PRG4: variants seen among roughly 807,000 people sequenced by gnomAD.
PRG4 encodes articular superficial zone protein.
PRG4 carries 61 observed loss-of-function variants against 91.2 expected under a neutral mutation model. That is an observed-to-expected ratio of 0.67 (90% CI 0.54 to 0.83). PRG4 has a LOEUF of 0.83. Ranked by LOEUF, PRG4 falls within the 40% of genes least tolerant of loss-of-function variation. The pLI is 0.00. For missense variants in PRG4, 1,564 were observed against 1,714.2 expected (o/e 0.91, Z 1.55); for synonymous variants, 576 against 614.2 (o/e 0.94, Z 0.92).
intron 6 of PRG4, among the ~76,000 whole-genome samples, chr1:186,305,328 A>G (rs994272023): frequency 6.6e-5 from 10 of 152,194 alleles, no homozygotes; most frequent in African/African-American, 2.4e-4. Context: ...TACAAGTATT[A>G]ACTCATTAAA....
intron 8 of PRG4, among the ~76,000 whole-genome samples, chr1:186,310,254 G>A (rs920638801): frequency 1.4e-4 from 21 of 151,822 alleles, no homozygotes; most frequent in African/African-American, 5.1e-4. Context: ...CAATTGTGAT[G>A]TGTTCAAGTG....
chr1:186,313,509 GAA>G, intron 12 of PRG4, 170 bp from the exon 13 acceptor site: 1 of 555,350 alleles, frequency 1.8e-6, no homozygotes, highest in Non-Finnish European at 3.2e-6. Flanking sequence ...CAAAAAAGCT[GAA>G]AAGTCTAGGC....
At position 186,308,800 on chromosome 1, in the gene PRG4, AC is replaced by A; in HGVS notation, c.3084del (p.Lys1030AsnfsTer14). ...CTAAACCTCAAAAGCCAACCAAAGC[AC>A]CCAAAAAACCCACTTCTACCAAAAA... ...TPKPQKPTKA[P>X]KKPTSTKKPK... On this transcript the variant is annotated frameshift_variant, in exon 7 of 13. Coordinates refer to ENST00000445192, the MANE Select transcript of PRG4 (RefSeq NM_005807.6). LOFTEE classifies it high-confidence loss of function. 6.2e-7 allele frequency: 1 copy of A among 1,613,916 alleles called. No individual in the cohort carries two copies. The highest frequency in any genetic ancestry group is 1.1e-5 in the South Asian group (1 of 91,078).
In PRG4 at chr1:186,312,188, G is replaced by A. The variant is rs761330232; in HGVS notation, c.3807G>A (p.Gln1269=). 5 of 1,613,666 alleles carry A rather than the reference G, an allele frequency of 3.1e-6. No homozygotes were observed. In the East Asian group the frequency reaches 6.7e-5, roughly 22 times the overall value. Residue 1269 remains glutamine (Q), a synonymous_variant, in exon 11 of 13, where the codon CAG becomes CAA. Transcript: ENST00000445192. ...AATACATAACAGGTGGCAGCATTCA[G>A]CAGTATATTTATAAACAGGAACCTG... ...VYFFKRGGSI[Q]QYIYKQEPVQ...
rs1657169894 is a variant in PRG4, at chr1:186,310,956, C to T, written c.3500-78C>T. On this transcript the variant is annotated intron_variant, in intron 8 of 12. Coordinates refer to ENST00000445192, the MANE Select transcript of PRG4 (RefSeq NM_005807.6). ...AGTCATACAATGCATAAGAAAACTA[C>T]ATTTTTTTTCATTTTGGTTTCTTTT... The T allele has an allele frequency of 3.3e-5, 50 of 1,523,942 alleles. 1 individual carries two copies. In the South Asian group the frequency reaches 5.3e-4, roughly 16 times the overall value. 94.4% of individuals were successfully genotyped at this position (1,523,942 alleles called of 1,614,324 possible).
In PRG4 at chr1:186,306,760, C is replaced by T. The variant is rs1557940418; in HGVS notation, c.1041C>T (p.Pro347=). ...CCAAAGGCCCTGCTCTCACCACTCCCAAGGAGCCCACGCCCACCACTCCCA... is the reference window on the plus strand; with the variant it reads ...CCAAAGGCCCTGCTCTCACCACTCCTAAGGAGCCCACGCCCACCACTCCCA... ...TTTKGPALTT[P]KEPTPTTPKE... Residue 347 remains proline (P), a synonymous_variant, in exon 7 of 13, where the codon CCC becomes CCT. Coordinates refer to ENST00000445192, the MANE Select transcript of PRG4 (RefSeq NM_005807.6). The T allele has an allele frequency of 6.2e-7, 1 of 1,613,506 alleles. No individual in the cohort carries two copies. The highest frequency in any genetic ancestry group is 1.3e-5 in the African/African-American group (1 of 74,888).
chr1:186,305,801 TGC>T, intron 6 of PRG4, among the ~76,000 whole-genome samples: 1 of 152,264 alleles, frequency 6.6e-6, no homozygotes, highest in Non-Finnish European at 1.5e-5. Flanking sequence ...CAAGGTTAGC[TGC>T]GCAGAAGAAA....
Position 186,306,313 on chromosome 1 carries a change from T to C in PRG4, c.599-5T>C, listed in dbSNP as rs1206062319. On this transcript the variant is annotated splice_region_variant and splice_polypyrimidine_tract_variant and intron_variant, in intron 6 of 12. Transcript: ENST00000445192. The stretch of plus-strand genomic sequence containing the variant: ...AAAATAACAAGATGTATATTTTTTC[T>C]CCAGTAAAAGATAACAAGAAGAACA... The C allele has an allele frequency of 6.4e-7, 1 of 1,566,278 alleles. No individual in the cohort carries two copies. The highest frequency in any genetic ancestry group is 2.0e-5 in the Admixed American group (1 of 50,652).
In PRG4 at chr1:186,307,819, C is replaced by T. The variant is rs1283691934; in HGVS notation, c.2100C>T (p.Thr700=). 1.2e-6 allele frequency: 2 copies of T among 1,610,622 alleles called. No homozygotes were observed. The highest frequency in any genetic ancestry group is 1.7e-6 in the Non-Finnish European group (2 of 1,179,264). The change falls in exon 7 of 13, where the codon ACC becomes ACT. Residue 700 remains threonine, a synonymous_variant. Coordinates refer to ENST00000445192, the MANE Select transcript of PRG4 (RefSeq NM_005807.6). Reference sequence around the variant, plus strand: ...CCCCTAAGGAGCCTGCTCCAACTACCCCTAAGGAGACTGCTCCAACTACCC... The same window carrying T: ...CCCCTAAGGAGCCTGCTCCAACTACTCCTAAGGAGACTGCTCCAACTACCC... ...PTTPKEPAPT[T]PKETAPTTPK...
rs1657387209 is a variant in PRG4 at position 186,312,901 on chromosome 1, T to C, written c.4117+7T>C. On this transcript the variant is annotated splice_region_variant and intron_variant, in intron 12 of 12. Transcript: ENST00000445192. ...TACTATGCCTTTTCTAAAGGTAAGGTATTAACTAACAGTTTCCCAAGGAGG... is the reference window on the plus strand; with the variant it reads ...TACTATGCCTTTTCTAAAGGTAAGGCATTAACTAACAGTTTCCCAAGGAGG... 1 of 1,610,218 alleles carries C rather than the reference T, an allele frequency of 6.2e-7. No homozygotes were observed. Among genetic ancestry groups the C allele is most frequent in the Non-Finnish European group, 8.5e-7 (1 of 1,176,602 alleles).
chr1:186,299,025 G>A (rs530824341), intron 2 of PRG4, among the ~76,000 whole-genome samples: 2 of 152,204 alleles, frequency 1.3e-5, no homozygotes, highest in South Asian at 4.1e-4. Flanking sequence ...ATTCTTTTAA[G>A]ATTTGTTTTC....
rs774219309 is a variant in PRG4, at chr1:186,313,936, A to C, written c.*158A>C. ...ATCATTACACTAAAACAGATTTGAT[A>C]ATCTTATTCACAGTTGTTATTGTTT... On this transcript the variant is annotated 3_prime_UTR_variant, in exon 13 of 13. Coordinates refer to ENST00000445192, the MANE Select transcript of PRG4 (RefSeq NM_005807.6). 6.3e-7 allele frequency: 1 copy of C among 1,598,806 alleles called. No homozygotes were observed. Among genetic ancestry groups the C allele is most frequent in the East Asian group, 2.2e-5 (1 of 44,706 alleles).
rs1216857082 is a variant in PRG4 at position 186,311,530 on chromosome 1, A to G, written c.3727A>G (p.Ile1243Val). 3.7e-6 allele frequency: 6 copies of G among 1,613,972 alleles called. No homozygotes were observed. The highest frequency in any genetic ancestry group is 5.1e-6 in the Non-Finnish European group (6 of 1,179,966). ...AGGATTTGGAGGACTAACTGGACAA[A>G]TAGTGGCAGCGCTTTCAACAGCTAA... is the stretch of plus-strand genomic sequence containing the variant. ...FKGFGGLTGQ[I>V]VAALSTAKYK... The change falls in exon 10 of 13, where the codon ATA (isoleucine) becomes GTA (valine). Residue 1243 changes from isoleucine (I) to valine (V), a missense_variant. This residue lies in a region of PRG4 where 1,079 missense variants were observed against 1,162.2 expected (regional missense o/e 0.93). Coordinates refer to ENST00000445192, the MANE Select transcript of PRG4 (RefSeq NM_005807.6).
In PRG4 at chr1:186,308,643, C is replaced by G; in HGVS notation, c.2924C>G (p.Thr975Ser). 1 of 1,612,328 alleles carries G rather than the reference C, an allele frequency of 6.2e-7. No homozygotes were observed. Among genetic ancestry groups the G allele is most frequent in the Non-Finnish European group, 8.5e-7 (1 of 1,179,668 alleles). The change falls in exon 7 of 13, where the codon ACT becomes AGT. Residue 975 changes from threonine (T) to serine (S), a missense_variant. Thr to Ser is a moderately conservative substitution (Grantham distance 58). Coordinates refer to ENST00000445192, the MANE Select transcript of PRG4 (RefSeq NM_005807.6). ...TQDTTPFKIT[T>S]LKTTTLAPKV... is the part of the protein sequence containing the mutation. ...GATACCACACCATTCAAAATTACTA[C>G]TCTTAAAACAACTACTCTTGCACCC...
chr1:186,312,259 A>G lies in PRG4; in HGVS notation c.3878A>G (p.Tyr1293Cys). Residue 1293 changes from tyrosine (Y) to cysteine (C), a missense_variant, in exon 11 of 13, where the codon TAT (tyrosine) becomes TGT (cysteine). This residue lies in a region of PRG4 where 1,079 missense variants were observed against 1,162.2 expected (regional missense o/e 0.93). Coordinates refer to ENST00000445192, the MANE Select transcript of PRG4 (RefSeq NM_005807.6). ...GRRPALNYPV[Y>C]GETTQVRRRR... is the part of the protein sequence containing the mutation. ...AGGCCTGCTCTAAATTATCCAGTGT[A>G]TGGAGAAACGACACAGGTTAGGAGA... 6.2e-7 allele frequency: 1 copy of G among 1,614,054 alleles called. No homozygotes were observed. Among genetic ancestry groups the G allele is most frequent in the Non-Finnish European group, 8.5e-7 (1 of 1,179,924 alleles).
chr1:186,307,486 C>A lies in PRG4; in HGVS notation c.1767C>A (p.Pro589=), dbSNP rs765147675. 27 of 1,572,310 alleles carry A rather than the reference C, an allele frequency of 1.7e-5. No individual in the cohort carries two copies. The highest frequency in any genetic ancestry group is 1.7e-4 in the Middle Eastern group (1 of 5,762). ...CCAAGGAGCCTGCACCCACCACTCCCAAGGAACCTGCACCCACCACCACCA... is the reference window on the plus strand; with the variant it reads ...CCAAGGAGCCTGCACCCACCACTCCAAAGGAACCTGCACCCACCACCACCA... ...TTPKEPAPTT[P]KEPAPTTTKK... is the part of the protein sequence containing the mutation. Residue 589 remains proline, a synonymous_variant, in exon 7 of 13, where the codon CCC becomes CCA. Transcript: ENST00000445192.
Position 186,308,101 on chromosome 1 carries a change from C to G in PRG4, c.2382C>G (p.Pro794=), listed in dbSNP as rs200200770. The G allele has an allele frequency of 6.2e-7, 1 of 1,610,342 alleles. No individual in the cohort carries two copies. Among genetic ancestry groups the G allele is most frequent in the Non-Finnish European group, 8.5e-7 (1 of 1,179,120 alleles). ...TTLKEPAPTT[P]KKPAPKELAP... ...TCAAGGAACCTGCACCCACTACTCCCAAGAAGCCTGCCCCCAAGGAGCTTG... is the reference window on the plus strand; with the variant it reads ...TCAAGGAACCTGCACCCACTACTCCGAAGAAGCCTGCCCCCAAGGAGCTTG... Residue 794 remains proline, a synonymous_variant, in exon 7 of 13, where the codon CCC becomes CCG. Transcript: ENST00000445192.
At chr1:186,311,633 T>C in intron 10 of PRG4, 37 bp downstream of exon 10, 1 of 1,585,066 alleles carries the variant, frequency 6.3e-7, no homozygotes, top group Non-Finnish European at 8.7e-7. Context: ...ACAAAACTTT[T>C]AAAGAATTAC....
At position 186,307,626 on chromosome 1, in the gene PRG4, C is replaced by T. The variant is rs1344214654; in HGVS notation, c.1907C>T (p.Thr636Ile). The T allele has an allele frequency of 1.9e-6, 3 of 1,597,186 alleles. No individual in the cohort carries two copies. Among genetic ancestry groups the T allele is most frequent in the African/African-American group, 1.4e-5 (1 of 72,550 alleles). Residue 636 changes from threonine to isoleucine, a missense_variant, in exon 7 of 13, where the codon ACC becomes ATC. Thr to Ile is a moderately conservative substitution (Grantham distance 89, BLOSUM62 -1). This residue lies in a region of PRG4 where 1,079 missense variants were observed against 1,162.2 expected (regional missense o/e 0.93). Coordinates refer to ENST00000445192, the MANE Select transcript of PRG4 (RefSeq NM_005807.6). Reference sequence around the variant, plus strand: ...ACCCCCGAGAAGCTCGCACCCACCACCCCTGAGAAGCCCGCACCCACCACC... The same window carrying T: ...ACCCCCGAGAAGCTCGCACCCACCATCCCTGAGAAGCCCGCACCCACCACC... ...PTTPEKLAPT[T>I]PEKPAPTTPE...
Sources: allele counts gnomAD v4.1 joint callset (sites outside exome capture counted in the v4.1 genomes callset), GRCh38; gene constraint gnomAD v4.1.1; regional missense constraint gnomAD v4.1.1; transcripts MANE v1.5; gene names NCBI Gene and HGNC (gene_info 2026-07-23, HGNC 2026-07-21).